ABHD6: variants seen among roughly 807,000 people sequenced by gnomAD.
ABHD6 encodes the protein abhydrolase domain containing 6, acylglycerol lipase.
Under a neutral mutation model 38.8 loss-of-function variants are expected in ABHD6, and 33 were observed. That is an observed-to-expected ratio of 0.85 (90% CI 0.64 to 1.14). ABHD6 has a LOEUF of 1.14. ABHD6 is among the 50% of genes most tolerant of loss of function. The probability of loss-of-function intolerance (pLI) is 0.00; values close to 1 mark genes in which losing one functional copy is unlikely to be tolerated. For synonymous variants in ABHD6, 147 were observed against 161.6 expected (o/e 0.91, Z 0.69); for missense variants, 380 against 422.6 (o/e 0.90, Z 0.88).
At chr3:58,248,154 T>G (rs2097427684) in intron 1 of ABHD6, among the ~76,000 whole-genome samples, 1 of 152,222 alleles carries the variant, frequency 6.6e-6, no homozygotes, top group Non-Finnish European at 1.5e-5. Context: ...TAATGTACCT[T>G]GGAGGTCATT....
In ABHD6 at chr3:58,285,548, AG is replaced by A; in HGVS notation, c.837+96del. The A allele has an allele frequency of 9.2e-7, 1 of 1,084,770 alleles. No homozygotes were observed. The highest frequency in any genetic ancestry group is 1.4e-6 in the Non-Finnish European group (1 of 711,376). The allele number at this position is 1,084,770 out of a possible 1,614,324, so 67.2% of individuals were successfully genotyped here. ...AGAACAAGTGGTTATTTATGGAGTGAGCTGATCGCTGCTGTCAGGAAGAGGG... is the reference window on the plus strand; with the variant it reads ...AGAACAAGTGGTTATTTATGGAGTGACTGATCGCTGCTGTCAGGAAGAGGG... On this transcript the variant is annotated intron_variant, in intron 9 of 9. Coordinates refer to ENST00000478253, the MANE Select transcript of ABHD6 (RefSeq NM_001320126.2). This position sits in a 1 kb window ranked among gnomAD's most constrained non-coding sequence, Gnocchi z 4.9.
rs2097464467 is a variant in ABHD6 at position 58,293,150 on chromosome 3, C to T, written c.838-439C>T. On this transcript the variant is annotated intron_variant, in intron 9 of 9. Coordinates refer to ENST00000478253, the MANE Select transcript of ABHD6 (RefSeq NM_001320126.2). This position sits in a 1 kb window ranked among gnomAD's most constrained non-coding sequence, Gnocchi z 4.4. Reference sequence around the variant, plus strand: ...TGTGCTTGGTGTCTCAGCCGCCGTGCTCCTTGGTGGCCCCTGCACTCGCCA... The same window carrying T: ...TGTGCTTGGTGTCTCAGCCGCCGTGTTCCTTGGTGGCCCCTGCACTCGCCA... Among the ~76,000 whole-genome samples the T allele has an allele frequency of 1.3e-5, 2 of 152,086 alleles. No homozygotes were observed. The highest frequency in any genetic ancestry group is 1.5e-5 in the Non-Finnish European group (1 of 68,004).
At chr3:58,286,163 G>T (rs1305591055) in intron 9 of ABHD6, among the ~76,000 whole-genome samples, 1 of 152,144 alleles carries the variant, frequency 6.6e-6, no homozygotes, top group Non-Finnish European at 1.5e-5. Flanking sequence ...GGGACTACAG[G>T]CACCCGCCAC....
In ABHD6 at chr3:58,263,365, A is replaced by G. The variant is rs1338025764; in HGVS notation, c.120-3824A>G. Among the ~76,000 whole-genome samples the G allele has an allele frequency of 2.0e-5, 3 of 151,300 alleles. No homozygotes were observed. The highest frequency in any genetic ancestry group is 4.4e-5 in the Non-Finnish European group (3 of 67,748). On this transcript the variant is annotated intron_variant, in intron 3 of 9. Transcript: ENST00000478253. The surrounding 1 kb of genome is among the most constrained non-coding windows in gnomAD (Gnocchi z 4.9). Reference sequence around the variant, plus strand: ...AGATTGCGCCACTGCACTCCAGCCTAGGCAACGAGAGTGAAACTCCATCTC... The same window carrying G: ...AGATTGCGCCACTGCACTCCAGCCTGGGCAACGAGAGTGAAACTCCATCTC...
chr3:58,241,498 G>A (rs1171032019), intron 1 of ABHD6, among the ~76,000 whole-genome samples: 1 of 152,168 alleles, frequency 6.6e-6, no homozygotes, highest in East Asian at 1.9e-4. Context: ...GCTGCAGGTT[G>A]GGATCCTCTT....
At position 58,273,577 on chromosome 3, in the gene ABHD6, G is replaced by A. The variant is rs1210007553; in HGVS notation, c.524-1081G>A. ...AGAATGATTTCATGTCCTTTGCAAG[G>A]ACATGGATGAAGCTGGAAGCATCAT... On this transcript the variant is annotated intron_variant, in intron 6 of 9. Transcript: ENST00000478253. This position sits in a 1 kb window ranked among gnomAD's most constrained non-coding sequence, Gnocchi z 4.8. 6.6e-6 allele frequency among the ~76,000 whole-genome samples: 1 copy of A among 152,102 alleles called. No homozygotes were observed. Among genetic ancestry groups the A allele is most frequent in the African/African-American group, 2.4e-5 (1 of 41,404 alleles).
intron 2 of ABHD6, among the ~76,000 whole-genome samples, chr3:58,253,007 A>G (rs1378056372): frequency 6.6e-6 from 1 of 152,218 alleles, no homozygotes; most frequent in Non-Finnish European, 1.5e-5. Context: ...GAGAGTGTGC[A>G]GGGTTTTCTG....
intron 7 of ABHD6, among the ~76,000 whole-genome samples, chr3:58,284,288 C>A (rs142842493): frequency 2.0e-5 from 3 of 152,128 alleles, no homozygotes; most frequent in Non-Finnish European, 2.9e-5. Context: ...GGCTGTTGAA[C>A]CCTCCCAGTG....
At chr3:58,268,912 C>T (rs1468864539) in intron 4 of ABHD6, among the ~76,000 whole-genome samples, 5 of 152,170 alleles carry the variant, frequency 3.3e-5, no homozygotes, top group Non-Finnish European at 5.9e-5. Context: ...CCTGTTGGCT[C>T]TGGAGCTGGC....
intron 2 of ABHD6, among the ~76,000 whole-genome samples, chr3:58,253,466 G>A (rs2037123): frequency 3.3e-5 from 5 of 152,018 alleles, no homozygotes; most frequent in Non-Finnish European, 7.4e-5. Flanking sequence ...CTCCTTGAAG[G>A]TGATGCCTTT....
chr3:58,257,163 T>C lies in ABHD6; in HGVS notation c.119+458T>C, dbSNP rs1176749013. Among the ~76,000 whole-genome samples the C allele has an allele frequency of 6.6e-6, 1 of 152,030 alleles. No individual in the cohort carries two copies. Among genetic ancestry groups the C allele is most frequent in the Non-Finnish European group, 1.5e-5 (1 of 68,000 alleles). On this transcript the variant is annotated intron_variant, in intron 3 of 9. Coordinates refer to ENST00000478253, the MANE Select transcript of ABHD6 (RefSeq NM_001320126.2). The surrounding 1 kb of genome is among the most constrained non-coding windows in gnomAD (Gnocchi z 4.8). The stretch of plus-strand genomic sequence containing the variant: ...CCTCAAGTGATCTTCCCATCTTGCC[T>C]CTCTAAGTGCTGGGATTACAGGCAT...
intron 3 of ABHD6, chr3:58,258,328 A>G: frequency 2.3e-6 from 1 of 429,742 alleles, no homozygotes; most frequent in Non-Finnish European, 4.7e-6. Flanking sequence ...ATGTATATAT[A>G]TCAAAAAGTA....
In ABHD6 at chr3:58,256,592, T is replaced by G; in HGVS notation, c.6T>G (p.Asp2Glu). The change falls in exon 3 of 10, where the codon GAT becomes GAG. Residue 2 changes from aspartate (D) to glutamate (E), a missense_variant. Coordinates refer to ENST00000478253, the MANE Select transcript of ABHD6 (RefSeq NM_001320126.2). The surrounding 1 kb of genome is among the most constrained non-coding windows in gnomAD (Gnocchi z 4.3). M[D>E]LDVVNMFVIA... ...AGCCAGCCTGAAAGAGCAGGATGGA[T>G]CTTGATGTGGTTAACATGTTTGTGA... 6.2e-7 allele frequency: 1 copy of G among 1,613,786 alleles called. No homozygotes were observed. Among genetic ancestry groups the G allele is most frequent in the East Asian group, 2.2e-5 (1 of 44,876 alleles).
At position 58,263,133 on chromosome 3, in the gene ABHD6, A is replaced by T. The variant is rs190207390; in HGVS notation, c.120-4056A>T. Among the ~76,000 whole-genome samples the T allele has an allele frequency of 1.3e-5, 2 of 152,300 alleles. No individual in the cohort carries two copies. Among genetic ancestry groups the T allele is most frequent in the East Asian group, 3.9e-4 (2 of 5,188 alleles). ...TGAAGTGGGAGAATCGTTTGAAAGCAGAAGGTGGAGGTTGCAGTGAGCCGA... is the reference window on the plus strand; with the variant it reads ...TGAAGTGGGAGAATCGTTTGAAAGCTGAAGGTGGAGGTTGCAGTGAGCCGA... On this transcript the variant is annotated intron_variant, in intron 3 of 9. Coordinates refer to ENST00000478253, the MANE Select transcript of ABHD6 (RefSeq NM_001320126.2). This position sits in a 1 kb window ranked among gnomAD's most constrained non-coding sequence, Gnocchi z 4.9.
At chr3:58,284,604 T>C (rs1048255643) in intron 7 of ABHD6, among the ~76,000 whole-genome samples, 1 of 151,930 alleles carries the variant, frequency 6.6e-6, no homozygotes, top group Non-Finnish European at 1.5e-5. Flanking sequence ...GCCTGCACCA[T>C]CACATCCTGC....
At chr3:58,270,157 G>A (rs1278701635) in intron 5 of ABHD6, among the ~76,000 whole-genome samples, 1 of 152,170 alleles carries the variant, frequency 6.6e-6, no homozygotes, top group Admixed American at 6.6e-5. Flanking sequence ...TGGATAGATG[G>A]ATGGATGGTT....
rs746641994 is a variant in ABHD6 at position 58,256,664 on chromosome 3, A to C, written c.78A>C (p.Ser26=). 1 of 1,613,442 alleles carries C rather than the reference A, an allele frequency of 6.2e-7. No individual in the cohort carries two copies. Among genetic ancestry groups the C allele is most frequent in the African/African-American group, 1.3e-5 (1 of 74,884 alleles). Reference sequence around the variant, plus strand: ...TCCCAATCCTGGCATTTGTGGCTTCATTTCTTCTGTGGCCTTCAGCACTGA... The same window carrying C: ...TCCCAATCCTGGCATTTGTGGCTTCCTTTCTTCTGTGGCCTTCAGCACTGA... The part of the protein sequence containing the change: ...LAIPILAFVA[S]FLLWPSALIR... The change falls in exon 3 of 10, where the codon TCA becomes TCC. Residue 26 remains serine (S), a synonymous_variant. Coordinates refer to ENST00000478253, the MANE Select transcript of ABHD6 (RefSeq NM_001320126.2). This position sits in a 1 kb window ranked among gnomAD's most constrained non-coding sequence, Gnocchi z 4.3.
At chr3:58,286,884 A>ATAT (rs1559784548) in intron 9 of ABHD6, among the ~76,000 whole-genome samples, 17 of 135,476 alleles carry the variant, frequency 1.3e-4, no homozygotes, top group South Asian at 7.2e-4. Flanking sequence ...ATGTATATAT[A>ATAT]AGTAGGTATC....
In ABHD6 at chr3:58,270,918, A is replaced by G; in HGVS notation, c.391-14A>G. On this transcript the variant is annotated splice_polypyrimidine_tract_variant and intron_variant, in intron 5 of 9. Coordinates refer to ENST00000478253, the MANE Select transcript of ABHD6 (RefSeq NM_001320126.2). ...AGCTGTATAACCAAGCTGCTTTCTC[A>G]TTTCCCTTCCTAGTTTGTAGAATGC... 1 of 1,593,682 alleles carries G rather than the reference A, an allele frequency of 6.3e-7. No individual in the cohort carries two copies. Among genetic ancestry groups the G allele is most frequent in the East Asian group, 2.2e-5 (1 of 44,716 alleles).
Sources: gnomAD v4.1 joint callset for allele counts (sites outside exome capture counted in the v4.1 genomes callset) on GRCh38, gnomAD v4.1.1 for gene constraint, Gnocchi (gnomAD v3.1) non-coding constraint, MANE v1.5 for transcripts, NCBI Gene and HGNC (gene_info 2026-07-23, HGNC 2026-07-21) for gene names.